SIPA1L3: variants seen among roughly 807,000 people sequenced by gnomAD.
SIPA1L3 encodes signal induced proliferation associated 1 like 3.
A neutral mutation model predicts 150.1 loss-of-function variants in SIPA1L3; 59 were observed. The ratio of observed to expected loss-of-function variants is 0.39; its 90% CI spans 0.32 to 0.49. SIPA1L3 has a LOEUF of 0.49. SIPA1L3 is among the 20% of genes least tolerant of loss of function. SIPA1L3 has a pLI of 0.86. For synonymous variants in SIPA1L3, 1,070 were observed against 1,077.6 expected (o/e 0.99, Z 0.14); for missense variants, 2,211 against 2,489.5 (o/e 0.89, Z 2.38).
chr19:38,190,033 C>T (rs1332057358), intron 16 of SIPA1L3, among the ~76,000 whole-genome samples: 1 of 152,150 alleles, frequency 6.6e-6, no homozygotes, highest in Non-Finnish European at 1.5e-5. Flanking sequence ...ACAGACAGGA[C>T]CCTGGGAGTG....
intron 2 of SIPA1L3, among the ~76,000 whole-genome samples, chr19:38,039,607 T>C (rs1186508556): frequency 1.4e-5 from 2 of 146,910 alleles, no homozygotes; most frequent in East Asian, 4.0e-4. Flanking sequence ...GGCAGGAGAA[T>C]TGCTTGAACC....
chr19:38,048,424 G>T (rs1322975086), intron 2 of SIPA1L3, among the ~76,000 whole-genome samples: 1 of 152,092 alleles, frequency 6.6e-6, no homozygotes, highest in African/African-American at 2.4e-5. Context: ...ACAGGCATCA[G>T]GAGAGAGAGA....
intron 12 of SIPA1L3, among the ~76,000 whole-genome samples, chr19:38,148,081 G>A (rs1911203124): frequency 6.6e-6 from 1 of 151,696 alleles, no homozygotes. Context: ...GGCCGGGCTC[G>A]GTGGCTCAAG....
At chr19:38,061,950 G>A (rs1969453537) in intron 2 of SIPA1L3, among the ~76,000 whole-genome samples, 1 of 151,540 alleles carries the variant, frequency 6.6e-6, no homozygotes, top group African/African-American at 2.4e-5. Flanking sequence ...TGTTTTGGAT[G>A]CTGGAGATAG....
intron 15 of SIPA1L3, among the ~76,000 whole-genome samples, chr19:38,175,920 C>T (rs564870337): frequency 1.2e-4 from 19 of 152,068 alleles, no homozygotes; most frequent in Admixed American, 1.0e-3. Context: ...AAAGAAAGAA[C>T]GTTCAGGCTG....
rs544593089 is a variant in SIPA1L3, at chr19:37,974,688, C to A, written c.-378-54401C>A. Among the ~76,000 whole-genome samples, 179 of 152,136 alleles carry A rather than the reference C, an allele frequency of 1.2e-3. 1 individual carries two copies. Among genetic ancestry groups the A allele is most frequent in the African/African-American group, 3.8e-3 (156 of 41,488 alleles). Reference sequence around the variant, plus strand: ...GCTTTCATTTCGTGAATCTTTGTTACTGATGATGACTTTTGAGTTGACGTG... The same window carrying A: ...GCTTTCATTTCGTGAATCTTTGTTAATGATGATGACTTTTGAGTTGACGTG... On this transcript the variant is annotated intron_variant, in intron 1 of 21. Transcript: ENST00000222345.
intron 8 of SIPA1L3, among the ~76,000 whole-genome samples, chr19:38,111,228 C>T (rs748255802): frequency 6.6e-6 from 1 of 151,890 alleles, no homozygotes; most frequent in Non-Finnish European, 1.5e-5. Context: ...GATGGGGTCT[C>T]TCTGTTTTAC....
At chr19:38,006,030 G>A (rs748468441) in intron 1 of SIPA1L3, among the ~76,000 whole-genome samples, 2 of 152,166 alleles carry the variant, frequency 1.3e-5, no homozygotes, top group African/African-American at 4.8e-5. Flanking sequence ...AGAGTGAGAC[G>A]CTGTCTCAAA....
intron 6 of SIPA1L3, among the ~76,000 whole-genome samples, chr19:38,103,991 G>A (rs565012756): frequency 1.8e-4 from 28 of 152,164 alleles, no homozygotes; most frequent in African/African-American, 6.5e-4. Context: ...TAGCTGGGTG[G>A]GTGGATGGGT....
At position 38,208,140 on chromosome 19, in the gene SIPA1L3, T is replaced by C. The variant is rs918618768; in HGVS notation, c.*1900T>C. ...GTGTAAATTATGATTTTTGGTTTTG[T>C]TTTCTGTTATTTTTTAAGGATTTCT... is the stretch of plus-strand genomic sequence containing the variant. On this transcript the variant is annotated 3_prime_UTR_variant, in exon 22 of 22. Coordinates refer to ENST00000222345, the MANE Select transcript of SIPA1L3 (RefSeq NM_015073.3). 5.2e-5 allele frequency: 8 copies of C among 152,468 alleles called. No individual in the cohort carries two copies. The highest frequency in any genetic ancestry group is 1.9e-4 in the African/African-American group (8 of 41,418). 9.4% of individuals were successfully genotyped at this position (152,468 alleles called of 1,614,324 possible).
In SIPA1L3 at chr19:38,092,852, A is replaced by ATT. The variant is rs56232582; in HGVS notation, c.1665+4022_1665+4023dup. 6.8e-3 allele frequency among the ~76,000 whole-genome samples: 789 copies of ATT among 115,902 alleles called. 5 individuals are homozygous for ATT. The highest frequency in any genetic ancestry group is 8.3e-3 in the African/African-American group (251 of 30,060). The allele number at this position is 115,902 out of a possible 152,430, so 76.0% of individuals were successfully genotyped here. ...AATGATGAGTGTGGCAGGTGCTTAG[A>ATT]TTTTTTTTTTTTTTTTTTTTTTCCC... On this transcript the variant is annotated intron_variant, in intron 4 of 21. Transcript: ENST00000222345.
chr19:38,082,222 C>T lies in SIPA1L3; in HGVS notation c.657C>T (p.Phe219=), dbSNP rs1970007136. ...AGGGCATGCCCGAGCAGAGCTTCTT[C>T]GACATCCTGAACGAGTTCCGCAGCG... is the stretch of plus-strand genomic sequence containing the variant. ...DVQGMPEQSF[F]DILNEFRSEQ... Residue 219 remains phenylalanine, a synonymous_variant, in exon 3 of 22, where the codon TTC becomes TTT. Transcript: ENST00000222345. 6.2e-7 allele frequency: 1 copy of T among 1,602,368 alleles called. No individual in the cohort carries two copies.
chr19:38,151,359 C>T (rs1412869610), intron 12 of SIPA1L3, among the ~76,000 whole-genome samples: 1 of 152,242 alleles, frequency 6.6e-6, no homozygotes, highest in African/African-American at 2.4e-5. Flanking sequence ...CCCAGGCTAC[C>T]CAGGCAGCCA....
At chr19:38,155,356 G>A (rs1352652607) in intron 13 of SIPA1L3, among the ~76,000 whole-genome samples, 3 of 152,180 alleles carry the variant, frequency 2.0e-5, no homozygotes, top group Non-Finnish European at 2.9e-5. Context: ...GATTACAGGC[G>A]CGAGCCACCG....
intron 2 of SIPA1L3, among the ~76,000 whole-genome samples, chr19:38,068,236 A>T (rs938307908): frequency 7.9e-5 from 12 of 151,552 alleles, no homozygotes; most frequent in Non-Finnish European, 1.8e-4. Flanking sequence ...TCACCGTGTT[A>T]GCCAGGATGG....
chr19:38,020,852 G>T (rs938564518), intron 1 of SIPA1L3, among the ~76,000 whole-genome samples: 10 of 151,934 alleles, frequency 6.6e-5, no homozygotes, highest in African/African-American at 2.4e-4. Flanking sequence ...CTGTCGCCCA[G>T]GCTGGAGTGC....
At chr19:37,958,908 T>A (rs1286758064) in intron 1 of SIPA1L3, among the ~76,000 whole-genome samples, 1 of 152,224 alleles carries the variant, frequency 6.6e-6, no homozygotes, top group Non-Finnish European at 1.5e-5. Context: ...AACATCCAAA[T>A]GGCCTATAAG....
At chr19:38,045,500 G>A (rs1192714015) in intron 2 of SIPA1L3, among the ~76,000 whole-genome samples, 1 of 151,924 alleles carries the variant, frequency 6.6e-6, no homozygotes, top group Non-Finnish European at 1.5e-5. Context: ...TGAGCCCGGG[G>A]GGTCGAGGCT....
chr19:38,022,666 C>T (rs1968401307), intron 1 of SIPA1L3, among the ~76,000 whole-genome samples: 1 of 152,132 alleles, frequency 6.6e-6, no homozygotes, highest in Admixed American at 6.5e-5. Context: ...CGAGATGGTG[C>T]CACTGCACTC....
Sources: gnomAD v4.1 joint callset for allele counts (sites outside exome capture counted in the v4.1 genomes callset) on GRCh38, gnomAD v4.1.1 for gene constraint, MANE v1.5 for transcripts, NCBI Gene and HGNC (gene_info 2026-07-23, HGNC 2026-07-21) for gene names.